NUMB: variants seen among roughly 807,000 people sequenced by gnomAD.
NUMB encodes the protein protein numb homolog.
NUMB carries 29 observed loss-of-function variants against 59.7 expected under a neutral mutation model. The ratio of observed to expected loss-of-function variants is 0.49; its 90% CI spans 0.36 to 0.66. The LOEUF (loss-of-function observed/expected upper bound fraction) is 0.66, where lower values mean the gene tolerates loss of function less well. Among genes scored for constraint, NUMB ranks in the 30% least tolerant of loss-of-function variants. The pLI, the probability that NUMB is intolerant of heterozygous loss-of-function variation, is 0.00. For missense variants in NUMB, 723 were observed against 822.0 expected (o/e 0.88, Z 1.47); for synonymous variants, 288 against 288.2 (o/e 1.00, Z 0.01).
At chr14:73,339,006 G>A (rs1892493931) in intron 4 of NUMB, among the ~76,000 whole-genome samples, 1 of 152,088 alleles carries the variant, frequency 6.6e-6, no homozygotes, top group East Asian at 1.9e-4. Flanking sequence ...ATCCACTGTG[G>A]TATATGAGTT....
chr14:73,456,878 C>T (rs1291334744), intron 1 of NUMB, among the ~76,000 whole-genome samples: 1 of 152,170 alleles, frequency 6.6e-6, no homozygotes, highest in Non-Finnish European at 1.5e-5. Context: ...GCCAAGCAAT[C>T]TACATTTTAC....
intron 1 of NUMB, among the ~76,000 whole-genome samples, chr14:73,451,062 G>A (rs923909277): frequency 7.0e-5 from 10 of 143,558 alleles, no homozygotes; most frequent in Non-Finnish European, 1.4e-4. Flanking sequence ...GCTGAGGCAG[G>A]AGAATTGCTT....
intron 1 of NUMB, among the ~76,000 whole-genome samples, chr14:73,443,087 C>A (rs1883185248): frequency 6.6e-6 from 1 of 152,094 alleles, no homozygotes; most frequent in Non-Finnish European, 1.5e-5. Context: ...ATATCAAACT[C>A]CCAAGCTCAA....
intron 4 of NUMB, among the ~76,000 whole-genome samples, chr14:73,327,456 C>T (rs1178137770): frequency 6.6e-6 from 1 of 152,048 alleles, no homozygotes; most frequent in Non-Finnish European, 1.5e-5. Flanking sequence ...GGGATTTCAC[C>T]ATACTGGCCA....
At chr14:73,361,729 G>T (rs1435444262) in intron 3 of NUMB, among the ~76,000 whole-genome samples, 1 of 151,866 alleles carries the variant, frequency 6.6e-6, no homozygotes. Context: ...ACAAAGTATT[G>T]TGCTAGGTAC....
At chr14:73,280,527 A>C (rs1191427117) in intron 11 of NUMB, among the ~76,000 whole-genome samples, 1 of 151,776 alleles carries the variant, frequency 6.6e-6, no homozygotes, top group African/African-American at 2.4e-5. Context: ...AAAATCTGCT[A>C]ACCCTTGTTC....
chr14:73,289,212 A>G (rs927861629), intron 8 of NUMB, among the ~76,000 whole-genome samples: 3 of 152,194 alleles, frequency 2.0e-5, no homozygotes, highest in Non-Finnish European at 4.4e-5. Context: ...CACAGGCAAA[A>G]GTGAAAGCAT....
intron 11 of NUMB, chr14:73,281,376 C>T (rs1245655688): frequency 6.6e-6 from 1 of 151,818 alleles, no homozygotes; most frequent in Non-Finnish European, 1.5e-5. Context: ...CTATTATTAC[C>T]GGTATTATAA....
intron 6 of NUMB, among the ~76,000 whole-genome samples, chr14:73,300,449 G>A (rs977229171): frequency 2.6e-5 from 4 of 152,086 alleles, no homozygotes; most frequent in Non-Finnish European, 4.4e-5. Flanking sequence ...GAGGAAAGAC[G>A]ACAGGCAGAG....
intron 2 of NUMB, among the ~76,000 whole-genome samples, chr14:73,395,178 A>G (rs1896070929): frequency 6.6e-6 from 1 of 150,978 alleles, no homozygotes; most frequent in African/African-American, 2.4e-5. Context: ...ATAGGTATTC[A>G]TAAGTATAGC....
At chr14:73,420,120 C>T (rs1897294838) in intron 1 of NUMB, among the ~76,000 whole-genome samples, 1 of 152,226 alleles carries the variant, frequency 6.6e-6, no homozygotes, top group Middle Eastern at 3.2e-3. Flanking sequence ...CTTGGCCTCC[C>T]AAAGTGCTGG....
chr14:73,284,662 T>A (rs1888862140), intron 9 of NUMB: 1 of 254,058 alleles, frequency 3.9e-6, no homozygotes, highest in East Asian at 9.0e-5. Flanking sequence ...AAAACTCAGT[T>A]CCTATGAATT....
At chr14:73,387,994 C>CTA (rs988026577) in intron 2 of NUMB, among the ~76,000 whole-genome samples, 1 of 150,858 alleles carries the variant, frequency 6.6e-6, no homozygotes, top group Non-Finnish European at 1.5e-5. Flanking sequence ...TGGTATGCAC[C>CTA]TATAGCTCCA....
At chr14:73,417,339 C>T (rs1019075) in intron 1 of NUMB, among the ~76,000 whole-genome samples, 71,705 of 151,750 alleles carry the variant, frequency 0.47, 17,585 homozygotes, top group East Asian at 0.82. Flanking sequence ...CTCCTAGACG[C>T]TACCATGGGG....
At chr14:73,301,863 T>A (rs1447828252) in intron 6 of NUMB, among the ~76,000 whole-genome samples, 3 of 152,088 alleles carry the variant, frequency 2.0e-5, no homozygotes, top group Admixed American at 2.0e-4. Flanking sequence ...GGTGGATCGC[T>A]TGAGGCCAGG....
At chr14:73,328,047 A>G (rs549696468) in intron 4 of NUMB, among the ~76,000 whole-genome samples, 1 of 152,162 alleles carries the variant, frequency 6.6e-6, no homozygotes, top group East Asian at 1.9e-4. Flanking sequence ...GGTGGAGGCA[A>G]GTGGATCACT....
At chr14:73,403,373 C>T (rs11159018) in intron 2 of NUMB, among the ~76,000 whole-genome samples, 7,836 of 152,254 alleles carry the variant, frequency 0.051, 655 homozygotes, top group African/African-American at 0.18. Flanking sequence ...ATCAGAAACT[C>T]CACCACAATT....
At chr14:73,358,087 T>C (rs1893906142) in intron 3 of NUMB, among the ~76,000 whole-genome samples, 1 of 152,176 alleles carries the variant, frequency 6.6e-6, no homozygotes, top group African/African-American at 2.4e-5. Flanking sequence ...TTAGTAGCTC[T>C]TGAATTCATC....
chr14:73,354,988 A>G (rs1006337351), intron 4 of NUMB, among the ~76,000 whole-genome samples: 8 of 152,148 alleles, frequency 5.3e-5, no homozygotes, highest in Non-Finnish European at 1.2e-4. Flanking sequence ...ATTACATAAT[A>G]TATTGCTTCT....
Sources: allele counts gnomAD v4.1 joint callset (sites outside exome capture counted in the v4.1 genomes callset), GRCh38; gene constraint gnomAD v4.1.1; transcripts MANE v1.5; gene names NCBI Gene and HGNC (gene_info 2026-07-23, HGNC 2026-07-21).